Variants in PLCB4 observed in about 807,000 individuals in gnomAD.
PLCB4 encodes the protein 1-phosphatidylinositol 4,5-bisphosphate phosphodiesterase beta-4.
In PLCB4, 77 loss-of-function variants were observed where a neutral mutation model predicts 178.8. The ratio of observed to expected loss-of-function variants is 0.43; its 90% CI spans 0.36 to 0.52. The LOEUF is 0.52. PLCB4 is among the 20% of genes least tolerant of loss of function. PLCB4 has a pLI of 0.00. For missense variants in PLCB4, 1,024 were observed against 1,453.4 expected (o/e 0.70, Z 4.80); for synonymous variants, 496 against 490.8 (o/e 1.01, Z -0.14).
chr20:9,191,821 T>G (rs1259059051), intron 2 of PLCB4, among the ~76,000 whole-genome samples: 1 of 151,826 alleles, frequency 6.6e-6, no homozygotes, highest in African/African-American at 2.4e-5. Flanking sequence ...CCATCTCGAA[T>G]ATATTTCTAT....
chr20:9,100,271 G>T (rs1034216475), intron 2 of PLCB4, among the ~76,000 whole-genome samples: 2 of 152,168 alleles, frequency 1.3e-5, no homozygotes, highest in African/African-American at 2.4e-5. Flanking sequence ...AATACTAATG[G>T]AAACAGCCTT....
intron 2 of PLCB4, among the ~76,000 whole-genome samples, chr20:9,212,679 G>A (rs753860015): frequency 6.6e-6 from 1 of 152,078 alleles, no homozygotes; most frequent in Non-Finnish European, 1.5e-5. Flanking sequence ...AATAAAATTG[G>A]ATGTTTTCCA....
At chr20:9,373,444 A>G (rs1173887726) in intron 12 of PLCB4, among the ~76,000 whole-genome samples, 1 of 152,194 alleles carries the variant, frequency 6.6e-6, no homozygotes, top group Non-Finnish European at 1.5e-5. Flanking sequence ...TATTGATCTC[A>G]TTAAATAGAA....
chr20:9,280,544 C>A, intron 3 of PLCB4: 1 of 738,984 alleles, frequency 1.4e-6, no homozygotes, highest in African/African-American at 1.9e-5. Context: ...AACAGGAAAG[C>A]ATTCTCCTTA....
At chr20:9,225,537 G>T (rs977211604) in intron 3 of PLCB4, among the ~76,000 whole-genome samples, 2 of 152,176 alleles carry the variant, frequency 1.3e-5, no homozygotes, top group Non-Finnish European at 2.9e-5. Flanking sequence ...CATATTGCTT[G>T]TGAGTATGCT....
intron 2 of PLCB4, among the ~76,000 whole-genome samples, chr20:9,147,567 G>T (rs2092620667): frequency 6.6e-6 from 1 of 152,002 alleles, no homozygotes; most frequent in Admixed American, 6.6e-5. Flanking sequence ...ATGTCTAGGG[G>T]CTCAGCTAGC....
intron 1 of PLCB4, among the ~76,000 whole-genome samples, chr20:9,082,893 C>T (rs528394465): frequency 6.6e-6 from 1 of 152,302 alleles, no homozygotes; most frequent in Admixed American, 6.5e-5. Flanking sequence ...TGGGTATTAA[C>T]ACATATCCTG....
chr20:9,397,984 C>T (rs1267478320), intron 19 of PLCB4, among the ~76,000 whole-genome samples: 2 of 152,118 alleles, frequency 1.3e-5, no homozygotes, highest in African/African-American at 4.8e-5. Flanking sequence ...ACGGCTTACT[C>T]ACATGCTGGC....
chr20:9,090,353 C>T (rs1452012640), intron 1 of PLCB4, among the ~76,000 whole-genome samples: 1 of 151,658 alleles, frequency 6.6e-6, no homozygotes, highest in East Asian at 1.9e-4. Flanking sequence ...AAAAACTCAA[C>T]ATCCTTTTAA....
intron 16 of PLCB4, among the ~76,000 whole-genome samples, chr20:9,390,186 ATGTGTTTCAGAAATACT>A (rs1369433033): frequency 6.6e-6 from 1 of 152,216 alleles, no homozygotes. Flanking sequence ...AATCATTTTA[ATGTGTTTCAGAAATACT>A]TGTTCCAAAT....
At chr20:9,148,820 C>G (rs943739152) in intron 2 of PLCB4, among the ~76,000 whole-genome samples, 1 of 152,136 alleles carries the variant, frequency 6.6e-6, no homozygotes, top group Non-Finnish European at 1.5e-5. Flanking sequence ...ATGTGTTTCC[C>G]TGATTTAATA....
At chr20:9,446,569 T>C (rs1257860359) in intron 32 of PLCB4, among the ~76,000 whole-genome samples, 1 of 152,190 alleles carries the variant, frequency 6.6e-6, no homozygotes, top group Non-Finnish European at 1.5e-5. Flanking sequence ...TATACACCGA[T>C]GCCAGCTCTG....
At chr20:9,355,224 C>T (rs940081017) in intron 7 of PLCB4, among the ~76,000 whole-genome samples, 4 of 151,982 alleles carry the variant, frequency 2.6e-5, no homozygotes, top group Admixed American at 6.6e-5. Flanking sequence ...CCAACTAAAC[C>T]TTCTCCTAAT....
chr20:9,465,922 TG>T lies in PLCB4; in HGVS notation c.3249-2647del, dbSNP rs2043750048. The stretch of plus-strand genomic sequence containing the variant: ...CTACCAATGACTTTCTTCACAGAAT[TG>T]GAAAAAACTATTTTAAAGTTCATAT... On this transcript the variant is annotated intron_variant, in intron 35 of 39. Transcript: ENST00000378473. Among the ~76,000 whole-genome samples the T allele has an allele frequency of 2.0e-5, 3 of 152,218 alleles. No homozygotes were observed. The South Asian group carries it at 6.2e-4, about 32-fold the overall frequency.
At chr20:9,408,489 G>C in intron 22 of PLCB4, 144 bp from the exon 23 acceptor site, 1 of 425,934 alleles carries the variant, frequency 2.3e-6, no homozygotes, top group South Asian at 4.2e-5. Flanking sequence ...GGATGTCAAT[G>C]AAAGTAGGAG....
At chr20:9,203,054 A>T (rs866130872) in intron 2 of PLCB4, among the ~76,000 whole-genome samples, 111 of 127,392 alleles carry the variant, frequency 8.7e-4, no homozygotes, top group South Asian at 4.0e-3. Flanking sequence ...AAAAAAAAAA[A>T]AAATATATAT....
chr20:9,198,329 G>A (rs2093498697), intron 2 of PLCB4, among the ~76,000 whole-genome samples: 1 of 152,146 alleles, frequency 6.6e-6, no homozygotes, highest in Non-Finnish European at 1.5e-5. Flanking sequence ...ATCACATAGT[G>A]TACTTTTGGT....
At chr20:9,079,381 G>GT (rs56787331) in intron 1 of PLCB4, among the ~76,000 whole-genome samples, 2,388 of 152,300 alleles carry the variant, frequency 0.016, 47 homozygotes, top group African/African-American at 0.054. Context: ...CCTACTCTAA[G>GT]GAAGGGGCAA....
chr20:9,085,322 T>C (rs1382666042), intron 1 of PLCB4, among the ~76,000 whole-genome samples: 1 of 152,170 alleles, frequency 6.6e-6, no homozygotes, highest in Non-Finnish European at 1.5e-5. Context: ...TTGAGTTTAT[T>C]TGAATACATT....
Sources: gnomAD v4.1 joint callset for allele counts (sites outside exome capture counted in the v4.1 genomes callset) on GRCh38, gnomAD v4.1.1 for gene constraint, MANE v1.5 for transcripts, NCBI Gene and HGNC (gene_info 2026-07-23, HGNC 2026-07-21) for gene names.